The following GORAB variants were observed in gnomAD, a reference collection of about 807,000 sequenced individuals.
The protein encoded by GORAB is golgin, RAB6 interacting.
Under a neutral mutation model 29.9 loss-of-function variants are expected in GORAB, and 17 were observed. That is an observed-to-expected ratio of 0.57 (90% confidence interval 0.39 to 0.85). The LOEUF is 0.85. Among genes scored for constraint, GORAB ranks in the 40% least tolerant of loss-of-function variants. The probability of loss-of-function intolerance (pLI) is 0.00; values close to 1 mark genes in which losing one functional copy is unlikely to be tolerated. For missense variants in GORAB, 442 were observed against 437.8 expected (o/e 1.01, Z -0.09); for synonymous variants, 183 against 157.2 (o/e 1.16, Z -1.23).
Position 170,551,999 on chromosome 1 carries a change from A to T in GORAB, c.663-16A>T, listed in dbSNP as rs1230440370. On this transcript the variant is annotated splice_polypyrimidine_tract_variant and intron_variant, in intron 4 of 4. Transcript: ENST00000367763. ...ATGGAAAACTGATGGACCTATCTTT[A>T]TACACATCCTTACAGGAAGCGGTTT... 6 of 1,608,800 alleles carry T rather than the reference A, an allele frequency of 3.7e-6. No homozygotes were observed. The highest frequency in any genetic ancestry group is 5.1e-6 in the Non-Finnish European group (6 of 1,175,592).
At chr1:170,541,854 T>C (rs1649446034) in intron 2 of GORAB, among the ~76,000 whole-genome samples, 1 of 152,118 alleles carries the variant, frequency 6.6e-6, no homozygotes, top group African/African-American at 2.4e-5. Context: ...GGCTCACACC[T>C]GTAATCCCAG....
intron 2 of GORAB, among the ~76,000 whole-genome samples, chr1:170,541,429 T>C (rs1171912286): frequency 6.6e-6 from 1 of 151,998 alleles, no homozygotes; most frequent in East Asian, 1.9e-4. Flanking sequence ...TTGTAGATCA[T>C]ATGCAAGAGA....
chr1:170,553,018 A>G lies in GORAB; in HGVS notation c.*556A>G, dbSNP rs974149661. ...AACTGGAATTTATGTGAAGAACCAAACAACTTAAACCAGCATCACTTTTGT... is the reference window on the plus strand; with the variant it reads ...AACTGGAATTTATGTGAAGAACCAAGCAACTTAAACCAGCATCACTTTTGT... On this transcript the variant is annotated 3_prime_UTR_variant, in exon 5 of 5. Transcript: ENST00000367763. 4.4e-6 allele frequency: 2 copies of G among 453,552 alleles called. No individual in the cohort carries two copies. Among genetic ancestry groups the G allele is most frequent in the African/African-American group, 2.0e-5 (1 of 50,002 alleles). The allele number at this position is 453,552 out of a possible 1,614,324, so 28.1% of individuals were successfully genotyped here.
intron 4 of GORAB, among the ~76,000 whole-genome samples, chr1:170,546,085 C>G (rs942890088): frequency 2.0e-5 from 3 of 152,086 alleles, no homozygotes; most frequent in Admixed American, 2.0e-4. Context: ...GGTAGAAGTA[C>G]TAGGTACCTC....
intron 1 of GORAB, 71 bp from the exon 2 acceptor site, chr1:170,539,139 T>A (rs1042276551): frequency 1.3e-6 from 2 of 1,572,060 alleles, no homozygotes; most frequent in African/African-American, 2.7e-5. Flanking sequence ...GTTAATTTTT[T>A]ATTTTCTTAG....
At chr1:170,543,002 C>G (rs1285171009) in intron 3 of GORAB, among the ~76,000 whole-genome samples, 1 of 152,062 alleles carries the variant, frequency 6.6e-6, no homozygotes, top group African/African-American at 2.4e-5. Context: ...TGACATACTC[C>G]CATGAATCTT....
chr1:170,546,809 T>C (rs1349365486), intron 4 of GORAB, among the ~76,000 whole-genome samples: 3 of 152,062 alleles, frequency 2.0e-5, no homozygotes, highest in African/African-American at 7.2e-5. Context: ...CTCAGCCTCC[T>C]GAGTAGCCCA....
At chr1:170,550,635 AT>A (rs1398877970) in intron 4 of GORAB, among the ~76,000 whole-genome samples, 3 of 152,118 alleles carry the variant, frequency 2.0e-5, no homozygotes, top group African/African-American at 4.8e-5. Flanking sequence ...GCCATTTATT[AT>A]TTTCACTGTA....
intron 4 of GORAB, among the ~76,000 whole-genome samples, chr1:170,550,163 G>A (rs926558595): frequency 6.6e-6 from 1 of 152,242 alleles, no homozygotes; most frequent in Non-Finnish European, 1.5e-5. Flanking sequence ...TGCTGACCTG[G>A]GGCATACCTA....
At chr1:170,551,977 G>A (rs1376713288) in intron 4 of GORAB, 38 bp from the exon 5 acceptor site, 1 of 1,564,296 alleles carries the variant, frequency 6.4e-7, no homozygotes, top group East Asian at 2.2e-5. Context: ...TTCTTCAATG[G>A]AAAACTGATG....
chr1:170,549,958 A>G (rs1338166175), intron 4 of GORAB, among the ~76,000 whole-genome samples: 1 of 152,208 alleles, frequency 6.6e-6, no homozygotes, highest in Non-Finnish European at 1.5e-5. Flanking sequence ...ACCAGGCACA[A>G]AACTGGAAGT....
chr1:170,535,001 C>A (rs1437950073), intron 1 of GORAB, among the ~76,000 whole-genome samples: 1 of 152,088 alleles, frequency 6.6e-6, no homozygotes, highest in Non-Finnish European at 1.5e-5. Context: ...GGTTTTCACT[C>A]GTTTCATGTT....
At chr1:170,545,046 T>C in intron 4 of GORAB, 2 of 1,293,722 alleles carry the variant, frequency 1.5e-6, no homozygotes, top group East Asian at 2.8e-5. Context: ...TAGTTAACCT[T>C]GTTCGTGTGC....
At chr1:170,544,004 GA>G (rs1427199271) in intron 3 of GORAB, among the ~76,000 whole-genome samples, 1 of 152,168 alleles carries the variant, frequency 6.6e-6, no homozygotes, top group Non-Finnish European at 1.5e-5. Flanking sequence ...GTGAAAATTT[GA>G]AATGAGTGAA....
chr1:170,550,421 G>T (rs982551647), intron 4 of GORAB, among the ~76,000 whole-genome samples: 1 of 152,142 alleles, frequency 6.6e-6, no homozygotes, highest in African/African-American at 2.4e-5. Context: ...AAAATGTGTC[G>T]CTTCTAAGCA....
intron 2 of GORAB, 156 bp downstream of exon 2, chr1:170,539,723 C>A: frequency 1.3e-6 from 1 of 766,060 alleles, no homozygotes; most frequent in Non-Finnish European, 2.0e-6. Flanking sequence ...TGAAAAATAG[C>A]TACTGCCTAA....
rs528162426 is a variant in GORAB, at chr1:170,552,997, G to A, written c.*535G>A. 4 of 452,662 alleles carry A rather than the reference G, an allele frequency of 8.8e-6. No homozygotes were observed. The highest frequency in any genetic ancestry group is 6.9e-5 in the East Asian group (1 of 14,402). The allele number at this position is 452,662 out of a possible 1,614,324, so 28.0% of individuals were successfully genotyped here. On this transcript the variant is annotated 3_prime_UTR_variant, in exon 5 of 5. Coordinates refer to ENST00000367763, the MANE Select transcript of GORAB (RefSeq NM_152281.3). ...AGTTGTAAAACACAACTTGGAAACT[G>A]GAATTTATGTGAAGAACCAAACAAC...
chr1:170,541,148 G>A (rs1649391870), intron 2 of GORAB, among the ~76,000 whole-genome samples: 1 of 130,554 alleles, frequency 7.7e-6, no homozygotes, highest in Admixed American at 9.4e-5. Context: ...ACGTTGCAGT[G>A]AGCCAAGATC....
rs1249828859 is a variant in GORAB, at chr1:170,553,104, A to G, written c.*642A>G. On this transcript the variant is annotated 3_prime_UTR_variant, in exon 5 of 5. Transcript: ENST00000367763. ...CTGCGTTTTGTTATTTGAAACACAC[A>G]CACTTATATATAAACACATGTAATT... The G allele has an allele frequency of 2.2e-6, 1 of 451,806 alleles. No homozygotes were observed. The highest frequency in any genetic ancestry group is 2.0e-5 in the African/African-American group (1 of 50,012). The allele number at this position is 451,806 out of a possible 1,614,324, so 28.0% of individuals were successfully genotyped here. A position where few individuals can be genotyped will look rare whatever the true frequency, so the allele number is the denominator to read the frequency against.
Sources: gnomAD v4.1 joint callset for allele counts (sites outside exome capture counted in the v4.1 genomes callset) on GRCh38, gnomAD v4.1.1 for gene constraint, MANE v1.5 for transcripts, NCBI Gene and HGNC (gene_info 2026-07-23, HGNC 2026-07-21) for gene names.